The following CAMK4 variants were observed in gnomAD, a reference collection of about 807,000 sequenced individuals.
CAMK4 encodes calcium/calmodulin dependent protein kinase IV, also known as calcium/calmodulin-dependent protein kinase type IV.
In CAMK4, 22 loss-of-function variants were observed where a neutral mutation model predicts 44.9. The ratio of observed to expected loss-of-function variants is 0.49; its 90% CI spans 0.35 to 0.70. The LOEUF is 0.70. Among genes scored for constraint, CAMK4 ranks in the 30% least tolerant of loss-of-function variants. The pLI, the probability that CAMK4 is intolerant of heterozygous loss-of-function variation, is 0.01. For missense variants in CAMK4, 498 were observed against 586.8 expected (o/e 0.85, Z 1.56); for synonymous variants, 218 against 215.4 (o/e 1.01, Z -0.11).
At chr5:111,327,534 T>G (rs1424859801) in intron 1 of CAMK4, among the ~76,000 whole-genome samples, 2 of 152,116 alleles carry the variant, frequency 1.3e-5, no homozygotes, top group East Asian at 1.9e-4. Flanking sequence ...AGTAATGGGA[T>G]GGCTGGGTCA....
intron 2 of CAMK4, among the ~76,000 whole-genome samples, chr5:111,367,985 C>A (rs1750858612): frequency 6.6e-6 from 1 of 152,062 alleles, no homozygotes; most frequent in South Asian, 2.1e-4. Flanking sequence ...CCTTTTTCCT[C>A]ACTCTCACTG....
chr5:111,424,337 C>G (rs1026912367), intron 5 of CAMK4, among the ~76,000 whole-genome samples: 2 of 150,676 alleles, frequency 1.3e-5, no homozygotes, highest in Admixed American at 6.6e-5. Context: ...TTGAAAACTA[C>G]TTATTTGCCT....
chr5:111,249,920 A>G (rs1214623382), intron 1 of CAMK4, among the ~76,000 whole-genome samples: 5 of 152,076 alleles, frequency 3.3e-5, no homozygotes, highest in Non-Finnish European at 5.9e-5. Flanking sequence ...GTGTACTATG[A>G]GCTGGGCACA....
At chr5:111,346,008 T>A (rs535372664) in intron 2 of CAMK4, among the ~76,000 whole-genome samples, 3 of 152,048 alleles carry the variant, frequency 2.0e-5, no homozygotes, top group Non-Finnish European at 4.4e-5. Flanking sequence ...GCTTTGAATG[T>A]GAATTAGATA....
Position 111,484,358 on chromosome 5 carries a change from G to A in CAMK4, c.1314G>A (p.Glu438=), listed in dbSNP as rs1425930340. ...TGGAACTAGAGGAGGGCCTAGCAGA[G>A]GAGAAGCTGAAGACTGTGGAGGAGG... ...ADLELEEGLA[E]EKLKTVEEAA... is the part of the protein sequence containing the mutation. The change falls in exon 11 of 11, where the codon GAG becomes GAA. Residue 438 remains glutamate, a synonymous_variant. Transcript: ENST00000282356. The surrounding 1 kb of genome is among the most constrained non-coding windows in gnomAD (Gnocchi z 5.3). 1 of 1,611,748 alleles carries A rather than the reference G, an allele frequency of 6.2e-7. No individual in the cohort carries two copies. The highest frequency in any genetic ancestry group is 1.3e-5 in the African/African-American group (1 of 74,798).
At chr5:111,233,465 A>G (rs1561350885) in intron 1 of CAMK4, among the ~76,000 whole-genome samples, 1 of 144,086 alleles carries the variant, frequency 6.9e-6, no homozygotes, top group Non-Finnish European at 1.6e-5. Context: ...TACTTCACAT[A>G]ATGTTTGTGA....
chr5:111,338,187 A>G (rs145172887), intron 1 of CAMK4, among the ~76,000 whole-genome samples: 1 of 151,206 alleles, frequency 6.6e-6, no homozygotes. Flanking sequence ...TGACTAAATC[A>G]AGCTAAATAA....
At chr5:111,301,582 ATTTTTC>A (rs1247519155) in intron 1 of CAMK4, among the ~76,000 whole-genome samples, 30 of 152,152 alleles carry the variant, frequency 2.0e-4, no homozygotes, top group Non-Finnish European at 3.4e-4. Flanking sequence ...AGGAAGGTGA[ATTTTTC>A]TTAATAAACA....
chr5:111,474,072 T>A (rs25918), intron 8 of CAMK4, among the ~76,000 whole-genome samples: 94,745 of 151,676 alleles, frequency 0.62, 29,769 homozygotes, highest in African/African-American at 0.66. Flanking sequence ...GCGTCTGAGA[T>A]GGAAGAATAC....
In CAMK4 at chr5:111,372,801, A is replaced by C. The variant is rs1751060551; in HGVS notation, c.241-2049A>C. On this transcript the variant is annotated intron_variant, in intron 2 of 10. Transcript: ENST00000282356. ...AAGTTCCTGGGTTAGCACTGGATGT[A>C]TCAAGATGTGCGTCTTCCTTTACTC... Among the ~76,000 whole-genome samples the C allele has an allele frequency of 2.6e-5, 4 of 152,156 alleles. No homozygotes were observed. The South Asian group carries it at 8.3e-4, about 31-fold the overall frequency.
At chr5:111,464,747 G>A (rs1462286766) in intron 7 of CAMK4, among the ~76,000 whole-genome samples, 1 of 152,186 alleles carries the variant, frequency 6.6e-6, no homozygotes, top group East Asian at 1.9e-4. Context: ...GCCATCTCAA[G>A]CCAAAATATA....
In CAMK4 at chr5:111,308,564, C is replaced by G. The variant is rs542506085; in HGVS notation, c.162-35460C>G. Among the ~76,000 whole-genome samples the G allele has an allele frequency of 4.6e-5, 7 of 152,240 alleles. No individual in the cohort carries two copies. In the South Asian group the frequency reaches 1.5e-3, roughly 32 times the overall value. ...TTAAAAATTAATTTTGGGAGCAATC[C>G]TTTTTGGAGATCAATCCAAAATGAC... On this transcript the variant is annotated intron_variant, in intron 1 of 10. Coordinates refer to ENST00000282356, the MANE Select transcript of CAMK4 (RefSeq NM_001744.6).
At chr5:111,384,947 CT>C (rs993535744) in intron 4 of CAMK4, among the ~76,000 whole-genome samples, 20 of 152,162 alleles carry the variant, frequency 1.3e-4, no homozygotes, top group African/African-American at 4.8e-4. Context: ...TTACCACCCA[CT>C]TTGTTCTCTT....
intron 8 of CAMK4, among the ~76,000 whole-genome samples, chr5:111,474,245 A>C (rs572379280): frequency 2.0e-5 from 3 of 152,364 alleles, no homozygotes; most frequent in Non-Finnish European, 2.9e-5. Flanking sequence ...ATACTAGTCT[A>C]CCTGGGCTTA....
In CAMK4 at chr5:111,358,640, A is replaced by G. The variant is rs1383290323; in HGVS notation, c.240+14538A>G. On this transcript the variant is annotated intron_variant, in intron 2 of 10. Coordinates refer to ENST00000282356, the MANE Select transcript of CAMK4 (RefSeq NM_001744.6). ...ATGTAGGTAAACTCGTGTCATGGGG[A>G]TTTGTTGTACAGATTATTTCATCAC... 1.0e-4 allele frequency among the ~76,000 whole-genome samples: 15 copies of G among 149,788 alleles called. No homozygotes were observed. The Admixed American group carries it at 1.0e-3, about 10-fold the overall frequency.
chr5:111,433,565 C>G (rs1753537717), intron 5 of CAMK4, among the ~76,000 whole-genome samples: 1 of 152,164 alleles, frequency 6.6e-6, no homozygotes, highest in Admixed American at 6.5e-5. Context: ...AAGTTACAAT[C>G]CTACCCAGAA....
intron 1 of CAMK4, among the ~76,000 whole-genome samples, chr5:111,336,904 G>A (rs192860265): frequency 2.7e-5 from 4 of 150,878 alleles, no homozygotes; most frequent in Admixed American, 2.0e-4. Flanking sequence ...TTTTGGTAAT[G>A]TGGTTTTTAA....
At chr5:111,345,715 G>T (rs1000822421) in intron 2 of CAMK4, among the ~76,000 whole-genome samples, 11 of 151,934 alleles carry the variant, frequency 7.2e-5, no homozygotes, top group Non-Finnish European at 4.4e-5. Context: ...TGGTTTAAAG[G>T]CTGGCTTATG....
At chr5:111,431,971 G>A (rs1431165975) in intron 5 of CAMK4, among the ~76,000 whole-genome samples, 1 of 152,016 alleles carries the variant, frequency 6.6e-6, no homozygotes, top group Non-Finnish European at 1.5e-5. Flanking sequence ...TAAAAATTGA[G>A]CTACCATACG....
Sources: gnomAD v4.1 joint callset for allele counts (sites outside exome capture counted in the v4.1 genomes callset) on GRCh38, gnomAD v4.1.1 for gene constraint, Gnocchi (gnomAD v3.1) non-coding constraint, MANE v1.5 for transcripts, NCBI Gene and HGNC (gene_info 2026-07-23, HGNC 2026-07-21) for gene names.